The following KATNIP variants were observed in gnomAD, a reference collection of about 807,000 sequenced individuals.
KATNIP encodes katanin-interacting protein.
KATNIP carries 126 observed loss-of-function variants against 174.0 expected under a neutral mutation model. The ratio of observed to expected loss-of-function variants is 0.72; its 90% CI spans 0.63 to 0.84. KATNIP has a LOEUF of 0.84. Ranked by LOEUF, KATNIP falls within the 40% of genes least tolerant of loss-of-function variation. The probability of loss-of-function intolerance (pLI) is 0.00; values close to 1 mark genes in which losing one functional copy is unlikely to be tolerated. For missense variants in KATNIP, 1,958 were observed against 2,109.7 expected (o/e 0.93, Z 1.41); for synonymous variants, 810 against 835.7 (o/e 0.97, Z 0.53).
At chr16:27,660,307 G>A (rs2077429819) in intron 6 of KATNIP, among the ~76,000 whole-genome samples, 1 of 152,194 alleles carries the variant, frequency 6.6e-6, no homozygotes, top group African/African-American at 2.4e-5. Context: ...CCAGCATTTT[G>A]GGAGGCCAAG....
chr16:27,641,598 G>A (rs778232737), intron 5 of KATNIP, among the ~76,000 whole-genome samples: 1 of 152,194 alleles, frequency 6.6e-6, no homozygotes, highest in Non-Finnish European at 1.5e-5. Flanking sequence ...CCAAACACAG[G>A]GGAGTATGTG....
intron 14 of KATNIP, among the ~76,000 whole-genome samples, chr16:27,729,869 A>T (rs1186026469): frequency 6.6e-6 from 1 of 152,104 alleles, no homozygotes; most frequent in Admixed American, 6.5e-5. Context: ...TTCCCAATCC[A>T]GCTCGTCCCT....
At chr16:27,589,070 AT>A (rs755208446) in intron 2 of KATNIP, among the ~76,000 whole-genome samples, 2,207 of 126,492 alleles carry the variant, frequency 0.017, 42 homozygotes, top group African/African-American at 0.044. Context: ...TAATTTTTGT[AT>A]TTTTTTTTTT....
At chr16:27,760,489 A>C (rs2081910520) in intron 18 of KATNIP, among the ~76,000 whole-genome samples, 1 of 152,150 alleles carries the variant, frequency 6.6e-6, no homozygotes, top group Non-Finnish European at 1.5e-5. Flanking sequence ...AGAGGATGGG[A>C]GCAGAGGCAA....
At chr16:27,555,034 G>T (rs1241834365) in intron 1 of KATNIP, among the ~76,000 whole-genome samples, 1 of 151,974 alleles carries the variant, frequency 6.6e-6, no homozygotes, top group African/African-American at 2.4e-5. Flanking sequence ...CTGACCTCAG[G>T]TTATCCACCT....
At chr16:27,721,413 TG>T in intron 13 of KATNIP, 144 bp from the exon 14 acceptor site, 1 of 890,206 alleles carries the variant, frequency 1.1e-6, no homozygotes, top group Non-Finnish European at 1.8e-6. Context: ...CCAGCCTGGG[TG>T]ATGGCAACGG....
At chr16:27,716,539 A>G (rs145871302) in intron 13 of KATNIP, among the ~76,000 whole-genome samples, 269 of 152,260 alleles carry the variant, frequency 1.8e-3, no homozygotes, top group African/African-American at 5.0e-3. Context: ...GGTAAATTCT[A>G]TGTAACTGTA....
chr16:27,674,892 T>C (rs578088937), intron 6 of KATNIP, among the ~76,000 whole-genome samples: 1 of 152,338 alleles, frequency 6.6e-6, no homozygotes, highest in African/African-American at 2.4e-5. Context: ...GAATATCATC[T>C]AAGTCTCGTC....
At chr16:27,594,510 G>C (rs2075277429) in intron 2 of KATNIP, among the ~76,000 whole-genome samples, 1 of 152,004 alleles carries the variant, frequency 6.6e-6, no homozygotes, top group Non-Finnish European at 1.5e-5. Context: ...TGACTTGAAA[G>C]TCACCTCGGC....
chr16:27,673,322 T>A (rs1308662624), intron 6 of KATNIP, among the ~76,000 whole-genome samples: 1 of 152,164 alleles, frequency 6.6e-6, no homozygotes, highest in Non-Finnish European at 1.5e-5. Flanking sequence ...CTGCCGAAAT[T>A]GTTGTTAAAC....
intron 4 of KATNIP, 26 bp from the exon 5 acceptor site, chr16:27,631,039 G>C: frequency 1.9e-6 from 3 of 1,539,456 alleles, no homozygotes; most frequent in Non-Finnish European, 2.6e-6. Flanking sequence ...GCCTCACCAA[G>C]TCTCCTTCCC....
At chr16:27,550,217 T>C (rs769695240) in intron 1 of KATNIP, 40 bp downstream of exon 1, 3 of 1,599,880 alleles carry the variant, frequency 1.9e-6, no homozygotes, top group Non-Finnish European at 2.6e-6. Context: ...CGGGCTGTTA[T>C]TCTCCCATCC....
rs147367170 is a variant in KATNIP, at chr16:27,638,240, G to A, written c.408+7078G>A. On this transcript the variant is annotated intron_variant, in intron 5 of 27. Transcript: ENST00000261588. ...ATTTGGTGCAAACCCTGCCTGCCCT[G>A]GCCACATGAGCAGGAACCATGAGTC... 2.5e-3 allele frequency among the ~76,000 whole-genome samples: 375 copies of A among 152,244 alleles called. 1 individual carries two copies. The highest frequency in any genetic ancestry group is 3.9e-3 in the Non-Finnish European group (265 of 68,018).
chr16:27,688,927 A>G (rs1463525355), intron 8 of KATNIP, among the ~76,000 whole-genome samples: 2 of 152,166 alleles, frequency 1.3e-5, no homozygotes, highest in Admixed American at 6.5e-5. Flanking sequence ...GTAGTCTGGC[A>G]TGGCCCAGGC....
intron 2 of KATNIP, among the ~76,000 whole-genome samples, chr16:27,606,694 CTA>C (rs1187099958): frequency 6.6e-6 from 1 of 151,536 alleles, no homozygotes. Context: ...TCTGCTGTCT[CTA>C]TGTTTGTGTC....
chr16:27,738,986 TC>T (rs1375635142), intron 14 of KATNIP, among the ~76,000 whole-genome samples: 1 of 150,314 alleles, frequency 6.7e-6, no homozygotes, highest in African/African-American at 2.5e-5. Flanking sequence ...AGCAGAAGAC[TC>T]CCATGATCTG....
intron 14 of KATNIP, among the ~76,000 whole-genome samples, chr16:27,736,101 C>T (rs1256883633): frequency 6.6e-5 from 10 of 152,232 alleles, no homozygotes; most frequent in Admixed American, 5.2e-4. Context: ...CTCCCAGGTT[C>T]AAGTGATTCT....
intron 6 of KATNIP, among the ~76,000 whole-genome samples, chr16:27,667,572 G>A (rs2077729171): frequency 6.6e-6 from 1 of 152,092 alleles, no homozygotes; most frequent in African/African-American, 2.4e-5. Flanking sequence ...GGTTCCAGGG[G>A]CAGGGGGTTG....
chr16:27,615,433 C>T (rs1017187751), intron 2 of KATNIP, among the ~76,000 whole-genome samples: 3 of 151,762 alleles, frequency 2.0e-5, no homozygotes, highest in Non-Finnish European at 4.4e-5. Context: ...CAGCTCACTG[C>T]AACCTCTGCC....
Sources: allele counts gnomAD v4.1 joint callset (sites outside exome capture counted in the v4.1 genomes callset), GRCh38; gene constraint gnomAD v4.1.1; transcripts MANE v1.5; gene names NCBI Gene and HGNC (gene_info 2026-07-23, HGNC 2026-07-21).